The following RORA variants were observed in gnomAD, a reference collection of about 807,000 sequenced individuals.
The protein encoded by RORA is nuclear receptor ROR-alpha.
Under a neutral mutation model 69.5 loss-of-function variants are expected in RORA, and 7 were observed. The observed-to-expected ratio is 0.10, with a 90% CI of 0.06 to 0.19. The LOEUF is 0.19. Among genes scored for constraint, RORA ranks in the 10% least tolerant of loss-of-function variants. RORA has a pLI of 1.00. For missense variants in RORA, 457 were observed against 663.0 expected, an observed-to-expected ratio of 0.69 and a Z score of 3.41; for synonymous variants, 261 against 240.8, an observed-to-expected ratio of 1.08 and a Z score of -0.78.
At chr15:60,771,278 C>T (rs1357056310) in intron 1 of RORA, among the ~76,000 whole-genome samples, 1 of 152,206 alleles carries the variant, frequency 6.6e-6, no homozygotes. Flanking sequence ...AGACTGCCTC[C>T]TCAGGGAAGC....
At chr15:61,034,291 T>G (rs1450488337) in intron 1 of RORA, among the ~76,000 whole-genome samples, 1 of 152,158 alleles carries the variant, frequency 6.6e-6, no homozygotes, top group Non-Finnish European at 1.5e-5. Flanking sequence ...AAAAGGAGTA[T>G]CTAGCATTTT....
At chr15:60,815,039 GT>G (rs1339051710) in intron 1 of RORA, among the ~76,000 whole-genome samples, 1 of 151,742 alleles carries the variant, frequency 6.6e-6, no homozygotes, top group African/African-American at 2.4e-5. Flanking sequence ...AAACCCCCAG[GT>G]TTTTTTTCCC....
intron 3 of RORA, chr15:60,530,913 G>A (rs940929138): frequency 1.3e-5 from 2 of 151,972 alleles, no homozygotes; most frequent in East Asian, 1.9e-4. Flanking sequence ...AAGCTGTCTC[G>A]AGGCCCTTCC....
intron 2 of RORA, among the ~76,000 whole-genome samples, chr15:60,585,827 T>C (rs2068319034): frequency 2.0e-5 from 3 of 151,252 alleles, no homozygotes; most frequent in African/African-American, 7.3e-5. Context: ...CTGATAACCA[T>C]GAAGAACAAC....
chr15:60,810,666 T>C (rs534170813), intron 1 of RORA, among the ~76,000 whole-genome samples: 2 of 152,306 alleles, frequency 1.3e-5, no homozygotes, highest in East Asian at 1.9e-4. Context: ...GCAATATCTC[T>C]ACTTATCTTT....
intron 1 of RORA, among the ~76,000 whole-genome samples, chr15:61,002,684 G>A (rs1044318949): frequency 2.0e-4 from 30 of 152,272 alleles, no homozygotes; most frequent in African/African-American, 7.0e-4. Context: ...AGCAAATCAT[G>A]CCGCTTTAGG....
intron 1 of RORA, among the ~76,000 whole-genome samples, chr15:60,995,235 T>C (rs1894497929): frequency 6.6e-6 from 1 of 152,172 alleles, no homozygotes; most frequent in South Asian, 2.1e-4. Flanking sequence ...CCAGTGCAGC[T>C]GGCTCCCTGA....
intron 1 of RORA, among the ~76,000 whole-genome samples, chr15:60,740,568 G>A (rs1009579833): frequency 5.3e-5 from 8 of 152,258 alleles, no homozygotes; most frequent in Non-Finnish European, 8.8e-5. Flanking sequence ...TAATTCCTTC[G>A]AGAGTGTGCA....
chr15:60,732,778 TACAATC>T (rs1477863392), intron 1 of RORA, among the ~76,000 whole-genome samples: 1 of 151,730 alleles, frequency 6.6e-6, no homozygotes, highest in African/African-American at 2.4e-5. Context: ...TAAACATACT[TACAATC>T]ACACACACAC....
chr15:61,177,709 C>T (rs968991290), intron 1 of RORA, among the ~76,000 whole-genome samples: 2 of 152,180 alleles, frequency 1.3e-5, no homozygotes, highest in African/African-American at 2.4e-5. Flanking sequence ...CCGTATAACC[C>T]GAGCCCTTTG....
rs28709573 is a variant in RORA at position 60,590,367 on chromosome 15, A to T, written c.197-58516T>A. Among the ~76,000 whole-genome samples, 521 of 152,296 alleles carry T rather than the reference A, an allele frequency of 3.4e-3. 6 individuals are homozygous for T. The highest frequency in any genetic ancestry group is 0.011 in the African/African-American group (455 of 41,554). On this transcript the variant is annotated intron_variant, in intron 2 of 10. Transcript: ENST00000335670. ...TTCTATTAGCAAGGGACAGTATGGAACTTCACTTTGTAGAATTACAAAAGC... is the reference window on the plus strand; with the variant it reads ...TTCTATTAGCAAGGGACAGTATGGATCTTCACTTTGTAGAATTACAAAAGC...
chr15:60,790,955 C>A (rs1374895745), intron 1 of RORA, among the ~76,000 whole-genome samples: 1 of 152,090 alleles, frequency 6.6e-6, no homozygotes, highest in Non-Finnish European at 1.5e-5. Flanking sequence ...TTCAGAGGCC[C>A]TAGAAACGCC....
chr15:60,577,481 T>G (rs2140472331), intron 2 of RORA, among the ~76,000 whole-genome samples: 1 of 152,148 alleles, frequency 6.6e-6, no homozygotes, highest in Non-Finnish European at 1.5e-5. Flanking sequence ...CTGTCTCTAC[T>G]AAAAATACAA....
At chr15:60,572,674 T>G (rs2067916733) in intron 2 of RORA, among the ~76,000 whole-genome samples, 1 of 152,254 alleles carries the variant, frequency 6.6e-6, no homozygotes, top group African/African-American at 2.4e-5. Flanking sequence ...CCAATGTGGT[T>G]GATGCTGTTT....
intron 1 of RORA, among the ~76,000 whole-genome samples, chr15:60,809,587 T>C (rs1287655004): frequency 6.6e-6 from 1 of 152,132 alleles, no homozygotes; most frequent in South Asian, 2.1e-4. Flanking sequence ...CGACGGAAGA[T>C]GAGGTTTTTG....
intron 1 of RORA, among the ~76,000 whole-genome samples, chr15:61,180,767 C>G (rs1046920304): frequency 6.6e-6 from 1 of 152,138 alleles, no homozygotes; most frequent in African/African-American, 2.4e-5. Context: ...GTTCCAGCAC[C>G]TAGCACACTG....
intron 1 of RORA, among the ~76,000 whole-genome samples, chr15:60,915,530 G>A (rs1306158817): frequency 4.6e-5 from 7 of 152,140 alleles, no homozygotes; most frequent in Admixed American, 2.0e-4. Context: ...ATGGTGGCGC[G>A]AATACTCTAT....
At chr15:60,924,144 A>G (rs897879920) in intron 1 of RORA, among the ~76,000 whole-genome samples, 15 of 152,106 alleles carry the variant, frequency 9.9e-5, no homozygotes, top group African/African-American at 3.6e-4. Context: ...ATTCAAGAAA[A>G]GAACTCTGAC....
intron 3 of RORA, among the ~76,000 whole-genome samples, chr15:60,516,021 TTATATATTTATATATATTTATATATTTA>T (rs1567051408): frequency 6.8e-4 from 8 of 11,806 alleles, no homozygotes; most frequent in African/African-American, 2.5e-3. Flanking sequence ...TTATATATAT[TTATATATTTATATATATTTATATATTTA>T]TATATATTTA....
Sources: gnomAD v4.1 joint callset for allele counts (sites outside exome capture counted in the v4.1 genomes callset) on GRCh38, gnomAD v4.1.1 for gene constraint, MANE v1.5 for transcripts, NCBI Gene and HGNC (gene_info 2026-07-23, HGNC 2026-07-21) for gene names.